The following ANKRD7 variants were observed in gnomAD, a reference collection of about 807,000 sequenced individuals.
The protein encoded by ANKRD7 is ankyrin repeat domain-containing protein 7.
A neutral mutation model predicts 30.8 loss-of-function variants in ANKRD7; 30 were observed. That is an observed-to-expected ratio of 0.97 (90% CI 0.73 to 1.32). The LOEUF (loss-of-function observed/expected upper bound fraction) is 1.32. Among genes scored for constraint, ANKRD7 ranks in the 40% most tolerant of loss-of-function variants. The pLI, the probability that ANKRD7 is intolerant of heterozygous loss-of-function variation, is 0.00. For missense variants in ANKRD7, 264 were observed against 295.7 expected (o/e 0.89, Z 0.79); for synonymous variants, 97 against 106.6 (o/e 0.91, Z 0.55).
chr7:118,228,415 GA>G (rs1194134412), intron 1 of ANKRD7, among the ~76,000 whole-genome samples: 2 of 152,124 alleles, frequency 1.3e-5, no homozygotes, highest in Middle Eastern at 3.2e-3. Flanking sequence ...ATGGGTAGGG[GA>G]GGGAAAGAGG....
chr7:118,226,599 A>G (rs80314324), intron 1 of ANKRD7, among the ~76,000 whole-genome samples: 4,900 of 152,298 alleles, frequency 0.032, 128 homozygotes, highest in East Asian at 0.077. Context: ...GTGGATCATC[A>G]TAAAGTTCTT....
intron 5 of ANKRD7, among the ~76,000 whole-genome samples, chr7:118,238,315 T>C (rs1470338193): frequency 1.3e-5 from 2 of 152,190 alleles, no homozygotes; most frequent in Non-Finnish European, 2.9e-5. Flanking sequence ...TTTCTTTTTT[T>C]TCAAAGAGGT....
intron 3 of ANKRD7, among the ~76,000 whole-genome samples, chr7:118,235,791 A>C (rs1250899963): frequency 6.6e-6 from 1 of 152,196 alleles, no homozygotes. Flanking sequence ...CTCATCACTT[A>C]CTTATTCTAG....
Position 118,224,804 on chromosome 7 carries a change from G to A in ANKRD7, c.-27G>A. The A allele has an allele frequency of 6.2e-7, 1 of 1,600,384 alleles. No individual in the cohort carries two copies. The highest frequency in any genetic ancestry group is 8.5e-7 in the Non-Finnish European group (1 of 1,175,230). On this transcript the variant is annotated 5_prime_UTR_variant, in exon 1 of 7. Transcript: ENST00000265224. The stretch of plus-strand genomic sequence containing the variant: ...AGGAGTTCAAGAAACATCCTGGTCT[G>A]AGGGAAAGGCTGCAGCCTGCACCGC...
chr7:118,240,065 G>C, intron 6 of ANKRD7, 67 bp downstream of exon 6: 1 of 874,130 alleles, frequency 1.1e-6, no homozygotes, highest in East Asian at 3.4e-5. Context: ...TTTAGGAAAG[G>C]AAACAACTTT....
intron 4 of ANKRD7, 59 bp from the exon 5 acceptor site, chr7:118,236,731 T>C: frequency 6.4e-7 from 1 of 1,554,392 alleles, no homozygotes; most frequent in Non-Finnish European, 8.7e-7. Flanking sequence ...GACTGAATTT[T>C]TAAAATTAGG....
At chr7:118,237,022 A>T in intron 5 of ANKRD7, 96 bp downstream of exon 5, 1 of 1,293,540 alleles carries the variant, frequency 7.7e-7, no homozygotes, top group South Asian at 1.4e-5. Context: ...TAGGCTCAAC[A>T]GTAGGGGTAA....
chr7:118,241,521 CTTTTTTTTTTTTTTT>C (rs3061682), intron 6 of ANKRD7, among the ~76,000 whole-genome samples: 3 of 84,542 alleles, frequency 3.5e-5, no homozygotes, highest in African/African-American at 9.0e-5. Context: ...TCTGAATTAC[CTTTTTTTTTTTTTTT>C]TTTTTTTTTT....
At chr7:118,231,156 C>T (rs997612736) in intron 1 of ANKRD7, among the ~76,000 whole-genome samples, 6 of 152,080 alleles carry the variant, frequency 3.9e-5, no homozygotes, top group South Asian at 4.2e-4. Context: ...AGCTACTACT[C>T]GATTAGTGTT....
In ANKRD7 at chr7:118,224,929, T is replaced by G. The variant is rs768829993; in HGVS notation, c.99T>G (p.Ala33=). 1 of 1,614,168 alleles carries G rather than the reference T, an allele frequency of 6.2e-7. No homozygotes were observed. Among genetic ancestry groups the G allele is most frequent in the Admixed American group, 1.7e-5 (1 of 60,020 alleles). Residue 33 remains alanine, a synonymous_variant, in exon 1 of 7, where the codon GCT becomes GCG. Transcript: ENST00000265224. Reference sequence around the variant, plus strand: ...ATTTAAAGAAACTTCACAGAGCTGCTTCAGTCGGGGATTTGAAGAAGCTGA... The same window carrying G: ...ATTTAAAGAAACTTCACAGAGCTGCGTCAGTCGGGGATTTGAAGAAGCTGA... ...EKDLKKLHRA[A]SVGDLKKLKE... is the part of the protein sequence containing the mutation.
At chr7:118,234,926 G>A in intron 3 of ANKRD7, 52 bp downstream of exon 3, 1 of 1,412,766 alleles carries the variant, frequency 7.1e-7, no homozygotes, top group Non-Finnish European at 9.5e-7. Flanking sequence ...CAACTGAAGA[G>A]CATATTTCAG....
chr7:118,232,720 T>TTG (rs3061652), intron 1 of ANKRD7, among the ~76,000 whole-genome samples: 72,962 of 145,856 alleles, frequency 0.5, 19,205 homozygotes, highest in South Asian at 0.74. Flanking sequence ...AGCAGTGTGT[T>TTG]TGTGTGTGTG....
chr7:118,227,884 T>C, intron 1 of ANKRD7: 1 of 1,344,156 alleles, frequency 7.4e-7, no homozygotes, highest in South Asian at 1.2e-5. Flanking sequence ...GATTTGTATT[T>C]AGCTTATTGA....
intron 4 of ANKRD7, 77 bp downstream of exon 4, chr7:118,236,224 G>GTGTT (rs1309638783): frequency 1.3e-6 from 1 of 757,728 alleles, no homozygotes; most frequent in African/African-American, 1.8e-5. Flanking sequence ...GTGTGTGTGT[G>GTGTT]TGTGTGTGTG....
rs372945067 is a variant in ANKRD7, at chr7:118,228,044, C to T, written c.179+3035C>T. ...TTCAGGGGTCAGTTTTTAGTCTTAC[C>T]TTGCTGGCCTGTCAGCAAAGTATTT... On this transcript the variant is annotated intron_variant, in intron 1 of 6. Coordinates refer to ENST00000265224, the MANE Select transcript of ANKRD7 (RefSeq NM_019644.4). 177 of 1,292,832 alleles carry T rather than the reference C, an allele frequency of 1.4e-4. No homozygotes were observed. In the African/African-American group the frequency reaches 1.9e-3, roughly 14 times the overall value. The allele number at this position is 1,292,832 out of a possible 1,614,324, so 80.1% of individuals were successfully genotyped here. A position where few individuals can be genotyped will look rare whatever the true frequency, so the allele number is the denominator to read the frequency against.
In ANKRD7 at chr7:118,234,719, G is replaced by A. The variant is rs1006808185; in HGVS notation, c.313G>A (p.Glu105Lys). The change falls in exon 3 of 7, where the codon GAG becomes AAG. Residue 105 changes from glutamate (E) to lysine (K), a missense_variant. Glu to Lys is a moderately conservative substitution (Grantham distance 56, BLOSUM62 1). Transcript: ENST00000265224. ...PLIKAVQCQNEDCATILLNFG... is the reference protein window; with the variant it reads ...PLIKAVQCQNKDCATILLNFG... ...TTAACAGGCAGTACAGTGTCAAAAT[G>A]AGGATTGTGCTACTATTCTTCTAAA... is the stretch of plus-strand genomic sequence containing the variant. The A allele has an allele frequency of 6.2e-7, 1 of 1,608,824 alleles. No homozygotes were observed. The highest frequency in any genetic ancestry group is 8.5e-7 in the Non-Finnish European group (1 of 1,178,652).
At position 118,234,491 on chromosome 7, in the gene ANKRD7, G is replaced by C; in HGVS notation, c.240G>C (p.Glu80Asp). 6.2e-7 allele frequency: 1 copy of C among 1,613,090 alleles called. No individual in the cohort carries two copies. The highest frequency in any genetic ancestry group is 8.5e-7 in the Non-Finnish European group (1 of 1,179,620). Residue 80 changes from glutamate to aspartate, a missense_variant, in exon 2 of 7, where the codon GAG becomes GAC. Physicochemically the swap from Glu to Asp is conservative, Grantham distance 45. Transcript: ENST00000265224. ...CAGATGTTGTACTTTTCCTAATTGAGCAACAATGCAAAATAAATGTCCGGG... is the reference window on the plus strand; with the variant it reads ...CAGATGTTGTACTTTTCCTAATTGACCAACAATGCAAAATAAATGTCCGGG... ...GHTDVVLFLI[E>D]QQCKINVRDS...
chr7:118,226,640 AG>A (rs1809547418), intron 1 of ANKRD7, among the ~76,000 whole-genome samples: 1 of 152,164 alleles, frequency 6.6e-6, no homozygotes, highest in South Asian at 2.1e-4. Flanking sequence ...GAGTAGATGG[AG>A]GAGGAGGAAG....
chr7:118,238,096 T>G (rs1331670511), intron 5 of ANKRD7, among the ~76,000 whole-genome samples: 1 of 152,144 alleles, frequency 6.6e-6, no homozygotes. Flanking sequence ...TGTAAGCAAG[T>G]CTCATGAAGG....
Sources: allele counts gnomAD v4.1 joint callset (sites outside exome capture counted in the v4.1 genomes callset), GRCh38; gene constraint gnomAD v4.1.1; transcripts MANE v1.5; gene names NCBI Gene and HGNC (gene_info 2026-07-23, HGNC 2026-07-21).